Variants in HSPA12A observed in about 807,000 individuals in gnomAD.
HSPA12A encodes heat shock protein family A (Hsp70) member 12A, also known as heat shock 70 kDa protein 12A.
Under a neutral mutation model 69.2 loss-of-function variants are expected in HSPA12A, and 28 were observed. The observed-to-expected ratio is 0.40, with a 90% CI of 0.30 to 0.55. The LOEUF (loss-of-function observed/expected upper bound fraction) is 0.55, where lower values mean the gene tolerates loss of function less well. Ranked by LOEUF, HSPA12A falls within the 20% of genes least tolerant of loss-of-function variation. The pLI, the probability that HSPA12A is intolerant of heterozygous loss-of-function variation, is 0.38. For missense variants in HSPA12A, 686 were observed against 900.7 expected (o/e 0.76, Z 3.05); for synonymous variants, 345 against 370.5 (o/e 0.93, Z 0.79).
At chr10:116,803,484 A>G (rs971475165) in intron 2 of HSPA12A, among the ~76,000 whole-genome samples, 1 of 152,184 alleles carries the variant, frequency 6.6e-6, no homozygotes, top group African/African-American at 2.4e-5. Flanking sequence ...AGGCATTCTA[A>G]TAAAGCACAA....
chr10:116,815,383 T>C (rs917939902), intron 2 of HSPA12A, among the ~76,000 whole-genome samples: 13 of 151,812 alleles, frequency 8.6e-5, no homozygotes, highest in African/African-American at 2.7e-4. Context: ...CTGGCCAACA[T>C]GGCAAGACCC....
At chr10:116,707,317 A>AGTGGCATG (rs1850288259) in intron 1 of HSPA12A, 32 bp from the exon 2 acceptor site, 2 of 1,541,016 alleles carry the variant, frequency 1.3e-6, no homozygotes, top group East Asian at 2.3e-5. Flanking sequence ...CCTCCTTAGA[A>AGTGGCATG]GTGGCATGGA....
At chr10:116,714,026 G>A (rs1334325511) in intron 1 of HSPA12A, among the ~76,000 whole-genome samples, 2 of 150,948 alleles carry the variant, frequency 1.3e-5, no homozygotes, top group Non-Finnish European at 2.9e-5. Context: ...ATGGATGGAT[G>A]GATGGATGGG....
In HSPA12A at chr10:116,673,747, T is replaced by A. The variant is rs934263354; in HGVS notation, c.*1034A>T. ...CTGAAGATTTTAATGAAACATTGCA[T>A]AGCACAGATTCTCTTCCCAAATTTC... On this transcript the variant is annotated 3_prime_UTR_variant, in exon 12 of 12. Coordinates refer to ENST00000369209, the MANE Select transcript of HSPA12A (RefSeq NM_025015.3). 22 of 152,208 alleles carry A rather than the reference T, an allele frequency of 1.4e-4. No homozygotes were observed. The highest frequency in any genetic ancestry group is 1.5e-5 in the Non-Finnish European group (1 of 68,044). The allele number at this position is 152,208 out of a possible 1,614,324, so 9.4% of individuals were successfully genotyped here.
chr10:116,704,057 T>C (rs7907106), intron 3 of HSPA12A, among the ~76,000 whole-genome samples: 6,557 of 152,286 alleles, frequency 0.043, 480 homozygotes, highest in African/African-American at 0.15. Context: ...AGTGTGGCGA[T>C]TCCTCAGGGA....
chr10:116,693,872 T>A (rs1849807109), intron 5 of HSPA12A, among the ~76,000 whole-genome samples: 1 of 152,230 alleles, frequency 6.6e-6, no homozygotes, highest in African/African-American at 2.4e-5. Flanking sequence ...TTCAGTAAAC[T>A]ATTTTAAAAC....
intron 11 of HSPA12A, 35 bp downstream of exon 11, chr10:116,676,364 G>T: frequency 6.5e-7 from 1 of 1,543,612 alleles, no homozygotes. Flanking sequence ...TCTCAGCTCT[G>T]CCTCGCCGAG....
At chr10:116,802,294 A>G (rs1844974990) in intron 2 of HSPA12A, among the ~76,000 whole-genome samples, 1 of 152,200 alleles carries the variant, frequency 6.6e-6, no homozygotes. Context: ...ACTCACCATA[A>G]GGAAAGCAGC....
chr10:116,786,819 T>C (rs960435738), intron 2 of HSPA12A, among the ~76,000 whole-genome samples: 24 of 152,112 alleles, frequency 1.6e-4, no homozygotes, highest in East Asian at 1.9e-4. Context: ...TTTGTATTTT[T>C]AGTAGAGACA....
chr10:116,826,359 C>T lies in HSPA12A; in HGVS notation c.91+8576G>A, dbSNP rs115459439. ...TCACTCACCAGAACTTATCAATGTG[C>T]CTGGCAGACAAGAGGTGCTTAATAA... On this transcript the variant is annotated intron_variant, in intron 2 of 12. Transcript: ENST00000635765. 4.6e-3 allele frequency among the ~76,000 whole-genome samples: 699 copies of T among 152,292 alleles called. 5 individuals carry two copies. The highest frequency in any genetic ancestry group is 0.016 in the African/African-American group (660 of 41,550).
chr10:116,789,118 G>A (rs1431023358), intron 2 of HSPA12A, among the ~76,000 whole-genome samples: 1 of 152,020 alleles, frequency 6.6e-6, no homozygotes, highest in African/African-American at 2.4e-5. Context: ...CACCCACCTT[G>A]GCCTCACAAA....
chr10:116,782,520 A>G (rs1245385737), intron 2 of HSPA12A, among the ~76,000 whole-genome samples: 5 of 152,198 alleles, frequency 3.3e-5, no homozygotes, highest in Admixed American at 1.3e-4. Context: ...CTAACATTGC[A>G]AAGGAATGAA....
At chr10:116,818,874 T>C (rs895078959) in intron 2 of HSPA12A, among the ~76,000 whole-genome samples, 4 of 152,168 alleles carry the variant, frequency 2.6e-5, no homozygotes, top group Non-Finnish European at 5.9e-5. Flanking sequence ...CCCCAACACA[T>C]TGCAGTGTGT....
At chr10:116,771,622 T>C (rs1638409) in intron 2 of HSPA12A, among the ~76,000 whole-genome samples, 151,335 of 152,348 alleles carry the variant, frequency 0.99, 75,186 homozygotes, top group Middle Eastern at 1. Flanking sequence ...ATTGCGAAAT[T>C]CCATCATGGG....
At chr10:116,756,592 C>G (rs1843856882) in intron 2 of HSPA12A, among the ~76,000 whole-genome samples, 1 of 152,216 alleles carries the variant, frequency 6.6e-6, no homozygotes. Flanking sequence ...CCCCCATAAC[C>G]CAAGGCCTGC....
At chr10:116,835,071 C>A in intron 1 of HSPA12A, 1 of 1,157,416 alleles carries the variant, frequency 8.6e-7, no homozygotes, top group East Asian at 3.2e-5. Context: ...CGATTTGTTT[C>A]CATGTTGCTC....
intron 8 of HSPA12A, 132 bp downstream of exon 8, chr10:116,681,659 C>A: frequency 1.4e-6 from 1 of 701,452 alleles, no homozygotes. Context: ...AAGAGCTCTC[C>A]CTGCATGAGT....
At chr10:116,821,601 G>C (rs951501099) in intron 2 of HSPA12A, among the ~76,000 whole-genome samples, 3 of 152,260 alleles carry the variant, frequency 2.0e-5, no homozygotes, top group Non-Finnish European at 4.4e-5. Flanking sequence ...CATGAGGGCA[G>C]GGATTTGTAC....
At chr10:116,753,252 G>A (rs1341042857) in intron 2 of HSPA12A, among the ~76,000 whole-genome samples, 1 of 152,120 alleles carries the variant, frequency 6.6e-6, no homozygotes, top group African/African-American at 2.4e-5. Context: ...CAAGGCCTGC[G>A]GGCTCAGACA....
Sources: allele counts gnomAD v4.1 joint callset (sites outside exome capture counted in the v4.1 genomes callset), GRCh38; gene constraint gnomAD v4.1.1; transcripts MANE v1.5; gene names NCBI Gene and HGNC (gene_info 2026-07-23, HGNC 2026-07-21).